The following EPAS1 variants were observed in gnomAD, a reference collection of about 807,000 sequenced individuals.
The protein encoded by EPAS1 is endothelial PAS domain-containing protein 1.
In EPAS1, 23 loss-of-function variants were observed where a neutral mutation model predicts 87.9. The observed-to-expected ratio is 0.26, with a 90% confidence interval of 0.19 to 0.37. The LOEUF is 0.37. Ranked by LOEUF, EPAS1 falls within the 10% of genes least tolerant of loss-of-function variation. The pLI, the probability that EPAS1 is intolerant of heterozygous loss-of-function variation, is 1.00. For missense variants in EPAS1, 1,138 were observed against 1,120.7 expected (o/e 1.02, Z -0.22); for synonymous variants, 508 against 444.3 (o/e 1.14, Z -1.80).
At position 46,380,086 on chromosome 2, in the gene EPAS1, C is replaced by T. The variant is rs778448708; in HGVS notation, c.1555-141C>T. The T allele has an allele frequency of 3.5e-5, 48 of 1,374,034 alleles. No homozygotes were observed. Among genetic ancestry groups the T allele is most frequent in the Non-Finnish European group, 4.7e-5 (46 of 977,416 alleles). The allele number at this position is 1,374,034 out of a possible 1,614,324, so 85.1% of individuals were successfully genotyped here. ...CCAAGTCTGAGGTTTTCCTGATAGGCCCTCGGGAGCCAGTGGAGGCGTTTG... is the reference window on the plus strand; with the variant it reads ...CCAAGTCTGAGGTTTTCCTGATAGGTCCTCGGGAGCCAGTGGAGGCGTTTG... On this transcript the variant is annotated intron_variant, in intron 11 of 15. Transcript: ENST00000263734. The surrounding 1 kb of genome is among the most constrained non-coding windows in gnomAD (Gnocchi z 4.4).
intron 3 of EPAS1, among the ~76,000 whole-genome samples, 194 bp from the exon 4 acceptor site, chr2:46,356,530 G>T (rs1023963240): frequency 6.6e-6 from 1 of 152,110 alleles, no homozygotes; most frequent in Non-Finnish European, 1.5e-5. Flanking sequence ...CTCATTAACA[G>T]ACCAAGTCTC....
chr2:46,374,085 A>C (rs1361310112), intron 7 of EPAS1, among the ~76,000 whole-genome samples: 1 of 152,258 alleles, frequency 6.6e-6, no homozygotes, highest in Non-Finnish European at 1.5e-5. Context: ...GCAAAGCACT[A>C]TACAAATGTA....
Position 46,300,938 on chromosome 2 carries a change from A to G in EPAS1, c.26+3001A>G, listed in dbSNP as rs1682983118. Among the ~76,000 whole-genome samples, 1 of 152,240 alleles carries G rather than the reference A, an allele frequency of 6.6e-6. No homozygotes were observed. The highest frequency in any genetic ancestry group is 2.4e-5 in the African/African-American group (1 of 41,460). On this transcript the variant is annotated intron_variant, in intron 1 of 15. Coordinates refer to ENST00000263734, the MANE Select transcript of EPAS1 (RefSeq NM_001430.5). The surrounding 1 kb of genome is among the most constrained non-coding windows in gnomAD (Gnocchi z 4.1). ...CCATCATTATTCCAACTCTGAAGGGAAAAAATATTGCTGGACAGTTTCTCT... is the reference window on the plus strand; with the variant it reads ...CCATCATTATTCCAACTCTGAAGGGGAAAAATATTGCTGGACAGTTTCTCT...
Position 46,385,366 on chromosome 2 carries a change from T to G in EPAS1, c.*706T>G, listed in dbSNP as rs1684993837. The G allele has an allele frequency of 1.3e-5, 2 of 152,308 alleles. No homozygotes were observed. The highest frequency in any genetic ancestry group is 4.8e-5 in the African/African-American group (2 of 41,280). 9.4% of individuals were successfully genotyped at this position (152,308 alleles called of 1,614,324 possible). On this transcript the variant is annotated 3_prime_UTR_variant, in exon 16 of 16. Coordinates refer to ENST00000263734, the MANE Select transcript of EPAS1 (RefSeq NM_001430.5). Reference sequence around the variant, plus strand: ...ATTATTATTCAAAAACATAACTGAGTTTTTTAAAAGAGGAGAAAATTTATA... The same window carrying G: ...ATTATTATTCAAAAACATAACTGAGGTTTTTAAAAGAGGAGAAAATTTATA...
chr2:46,308,850 C>G (rs1683160412), intron 1 of EPAS1, among the ~76,000 whole-genome samples: 1 of 152,196 alleles, frequency 6.6e-6, no homozygotes, highest in African/African-American at 2.4e-5. Flanking sequence ...ATCATCTTCC[C>G]TGGGAAGCCT....
At chr2:46,381,148 C>G (rs1305335192) in intron 12 of EPAS1, 3 of 347,292 alleles carry the variant, frequency 8.6e-6, no homozygotes, top group Non-Finnish European at 1.7e-5. Flanking sequence ...TGCCTAGGCT[C>G]CAGAAATGCC....
intron 1 of EPAS1, among the ~76,000 whole-genome samples, chr2:46,319,713 G>A (rs1489110777): frequency 6.6e-6 from 1 of 152,150 alleles, no homozygotes; most frequent in African/African-American, 2.4e-5. Flanking sequence ...GGTGCCTGCG[G>A]TATTTGCTTA....
chr2:46,362,879 C>T (rs1684421921), intron 6 of EPAS1, among the ~76,000 whole-genome samples: 1 of 151,568 alleles, frequency 6.6e-6, no homozygotes, highest in Non-Finnish European at 1.5e-5. Context: ...GCTCTAACCT[C>T]ATAGGGAGAA....
intron 15 of EPAS1, among the ~76,000 whole-genome samples, chr2:46,383,340 A>G (rs7589861): frequency 0.19 from 28,698 of 152,240 alleles, 6,082 homozygotes; most frequent in African/African-American, 0.52. Flanking sequence ...TGCAGGCACC[A>G]ATGCCTGCCT....
chr2:46,383,095 A>G (rs1260700629), intron 15 of EPAS1, among the ~76,000 whole-genome samples: 1 of 152,204 alleles, frequency 6.6e-6, no homozygotes, highest in Non-Finnish European at 1.5e-5. Context: ...CTGCGTGGAG[A>G]AGGGAGTGCT....
At chr2:46,306,455 C>A (rs767504616) in intron 1 of EPAS1, among the ~76,000 whole-genome samples, 3 of 152,118 alleles carry the variant, frequency 2.0e-5, no homozygotes, top group Non-Finnish European at 2.9e-5. Context: ...ACCTTGGGCT[C>A]CAGTTACAAG....
chr2:46,331,899 G>T (rs191173999), intron 1 of EPAS1, among the ~76,000 whole-genome samples: 1 of 151,932 alleles, frequency 6.6e-6, no homozygotes, highest in South Asian at 2.1e-4. Context: ...TTTTTTCCCC[G>T]GGCTTAAAGT....
intron 1 of EPAS1, among the ~76,000 whole-genome samples, chr2:46,345,271 C>T (rs1226822640): frequency 6.6e-6 from 1 of 152,022 alleles, no homozygotes; most frequent in Non-Finnish European, 1.5e-5. Flanking sequence ...GGCTTAGATG[C>T]TTTTTAAAAA....
chr2:46,306,321 C>G (rs1288207904), intron 1 of EPAS1, among the ~76,000 whole-genome samples: 1 of 152,266 alleles, frequency 6.6e-6, no homozygotes, highest in South Asian at 2.1e-4. Context: ...AGCAAGAAGA[C>G]CAGCATGCTT....
rs539874121 is a variant in EPAS1, at chr2:46,386,278, T to G, written c.*1618T>G. 2.0e-5 allele frequency: 3 copies of G among 152,668 alleles called. No homozygotes were observed. In the South Asian group the frequency reaches 6.2e-4, roughly 32 times the overall value. The allele number at this position is 152,668 out of a possible 1,614,324, so 9.5% of individuals were successfully genotyped here. A position where few individuals can be genotyped will look rare whatever the true frequency, so the allele number is the denominator to read the frequency against. On this transcript the variant is annotated 3_prime_UTR_variant, in exon 16 of 16. Transcript: ENST00000263734. ...TTTCTAAAAACACACACAAAGCACA[T>G]TGGGCCAACTATTTAGTAAGCCCGG...
Position 46,375,980 on chromosome 2 carries a change from C to T in EPAS1, c.1034+143C>T. On this transcript the variant is annotated intron_variant, in intron 8 of 15. Coordinates refer to ENST00000263734, the MANE Select transcript of EPAS1 (RefSeq NM_001430.5). The surrounding 1 kb of genome is among the most constrained non-coding windows in gnomAD (Gnocchi z 4.1). ...TCAGGGAGGTCTTGCAGGGCTAACC[C>T]TAGTGACTGAGAGGACTTCCTGTGG... 2 of 1,124,584 alleles carry T rather than the reference C, an allele frequency of 1.8e-6. No individual in the cohort carries two copies. Among genetic ancestry groups the T allele is most frequent in the South Asian group, 1.3e-5 (1 of 78,638 alleles). The allele number at this position is 1,124,584 out of a possible 1,614,324, so 69.7% of individuals were successfully genotyped here. A position where few individuals can be genotyped will look rare whatever the true frequency, so the allele number is the denominator to read the frequency against.
chr2:46,337,273 G>A (rs1051708086), intron 1 of EPAS1, among the ~76,000 whole-genome samples: 9 of 152,226 alleles, frequency 5.9e-5, no homozygotes, highest in South Asian at 2.1e-4. Context: ...CAAATCGTGC[G>A]TGTGTAACCT....
intron 1 of EPAS1, among the ~76,000 whole-genome samples, chr2:46,321,750 C>T (rs1225917832): frequency 6.6e-6 from 1 of 151,588 alleles, no homozygotes; most frequent in Non-Finnish European, 1.5e-5. Flanking sequence ...TTGTTTACAC[C>T]TGTGAGGCAA....
chr2:46,363,914 G>T (rs1684452632), intron 6 of EPAS1, among the ~76,000 whole-genome samples: 1 of 152,198 alleles, frequency 6.6e-6, no homozygotes, highest in South Asian at 2.1e-4. Flanking sequence ...CCGATTAGCA[G>T]ATTAGTTAAC....
Sources: allele counts gnomAD v4.1 joint callset (sites outside exome capture counted in the v4.1 genomes callset), GRCh38; gene constraint gnomAD v4.1.1; non-coding constraint Gnocchi (gnomAD v3.1); transcripts MANE v1.5; gene names NCBI Gene and HGNC (gene_info 2026-07-23, HGNC 2026-07-21).